The following HNF4G variants were observed in gnomAD, a reference collection of about 807,000 sequenced individuals.
HNF4G encodes the protein hepatocyte nuclear factor 4-gamma.
A neutral mutation model predicts 50.9 loss-of-function variants in HNF4G; 21 were observed. The ratio of observed to expected loss-of-function variants is 0.41; its 90% confidence interval spans 0.29 to 0.59. The LOEUF is 0.59. HNF4G is among the 20% of genes least tolerant of loss of function. The probability of loss-of-function intolerance (pLI) is 0.26; values close to 1 mark genes in which losing one functional copy is unlikely to be tolerated. For synonymous variants in HNF4G, 198 were observed against 185.6 expected (o/e 1.07, Z -0.54); for missense variants, 527 against 559.4 (o/e 0.94, Z 0.58).
At chr8:75,508,739 G>C (rs759215330) in intron 2 of HNF4G, among the ~76,000 whole-genome samples, 2 of 152,176 alleles carry the variant, frequency 1.3e-5, no homozygotes, top group Non-Finnish European at 2.9e-5. Context: ...AGAGGCAAGA[G>C]AAAACATGAG....
chr8:75,448,855 A>G lies in HNF4G; in HGVS notation c.-144+40693A>G, dbSNP rs922475736. On this transcript the variant is annotated intron_variant, in intron 1 of 10. Transcript: ENST00000354370. ...ATAGGACTATATCAGAATTATACAAATCAAGCAACCTGTTGACATTATTTT... is the reference window on the plus strand; with the variant it reads ...ATAGGACTATATCAGAATTATACAAGTCAAGCAACCTGTTGACATTATTTT... Among the ~76,000 whole-genome samples the G allele has an allele frequency of 4.6e-5, 7 of 152,330 alleles. No homozygotes were observed. In the East Asian group the frequency reaches 1.2e-3, roughly 25 times the overall value.
intron 2 of HNF4G, among the ~76,000 whole-genome samples, chr8:75,534,043 T>C (rs1806397636): frequency 6.6e-6 from 1 of 151,918 alleles, no homozygotes; most frequent in African/African-American, 2.4e-5. Flanking sequence ...TTAAACATTA[T>C]ACCTCTTCAG....
intron 3 of HNF4G, among the ~76,000 whole-genome samples, chr8:75,549,927 A>G (rs1326427425): frequency 1.3e-5 from 2 of 152,116 alleles, no homozygotes; most frequent in African/African-American, 4.8e-5. Context: ...TGTCCCTACA[A>G]AGGACATGAA....
upstream of HNF4G, among the ~76,000 whole-genome samples, chr8:75,536,460 A>C (rs1452063040): frequency 2.0e-5 from 3 of 151,960 alleles, no homozygotes; most frequent in Non-Finnish European, 4.4e-5. Flanking sequence ...TTTATTTTTA[A>C]CTACTTAAGT....
chr8:75,460,088 AAT>A (rs1185436615), intron 1 of HNF4G, among the ~76,000 whole-genome samples: 1 of 152,076 alleles, frequency 6.6e-6, no homozygotes, highest in African/African-American at 2.4e-5. Flanking sequence ...GAAAAAAAAA[AAT>A]CTCTTTGCAG....
chr8:75,484,208 A>G (rs1331975698), intron 1 of HNF4G, among the ~76,000 whole-genome samples: 1 of 152,230 alleles, frequency 6.6e-6, no homozygotes, highest in Non-Finnish European at 1.5e-5. Context: ...TTAGAAATGA[A>G]TCACATGACT....
At chr8:75,502,348 A>G (rs1004756563) in intron 2 of HNF4G, among the ~76,000 whole-genome samples, 2 of 152,232 alleles carry the variant, frequency 1.3e-5, no homozygotes, top group South Asian at 2.1e-4. Context: ...AGTAAAACAT[A>G]GAGATAACAA....
chr8:75,516,776 G>A (rs1805899360), intron 2 of HNF4G, among the ~76,000 whole-genome samples: 1 of 152,078 alleles, frequency 6.6e-6, no homozygotes, highest in Admixed American at 6.6e-5. Flanking sequence ...ATGTCTTCTT[G>A]AAGAATTGAC....
chr8:75,534,722 T>A (rs1806415173), intron 2 of HNF4G, among the ~76,000 whole-genome samples: 1 of 151,914 alleles, frequency 6.6e-6, no homozygotes, highest in South Asian at 2.1e-4. Flanking sequence ...TAGATTTTAC[T>A]GTCAAATGGC....
rs191154601 is a variant in HNF4G, at chr8:75,470,367, A to G, written c.-143-19722A>G. Among the ~76,000 whole-genome samples, 466 of 152,342 alleles carry G rather than the reference A, an allele frequency of 3.1e-3. 1 individual carries two copies. Among genetic ancestry groups the G allele is most frequent in the African/African-American group, 0.01 (427 of 41,592 alleles). On this transcript the variant is annotated intron_variant, in intron 1 of 10. Transcript: ENST00000354370. ...AGAATACAGTTAACATTTTGGTACT[A>G]TATTTTTATGGCAGGATTACCTCAT...
At chr8:75,557,651 A>C (rs879593698) in intron 6 of HNF4G, among the ~76,000 whole-genome samples, 2 of 151,964 alleles carry the variant, frequency 1.3e-5, no homozygotes, top group African/African-American at 4.8e-5. Context: ...ATCACATTGT[A>C]CACCTTAAAT....
chr8:75,438,107 C>T (rs555583079), intron 1 of HNF4G, among the ~76,000 whole-genome samples: 3 of 152,212 alleles, frequency 2.0e-5, no homozygotes, highest in African/African-American at 7.2e-5. Flanking sequence ...AAATTGTTCC[C>T]ATATTTTGTT....
Position 75,528,799 on chromosome 8 carries a change from T to G in HNF4G, c.-23-15012T>G, listed in dbSNP as rs1343094161. ...ACTTCTACTTTTTTCATGTTTTTCTTATGTATTAGTCTGTTCTCACGCTGC... is the reference window on the plus strand; with the variant it reads ...ACTTCTACTTTTTTCATGTTTTTCTGATGTATTAGTCTGTTCTCACGCTGC... On this transcript the variant is annotated intron_variant, in intron 2 of 10. Coordinates refer to the HNF4G transcript ENST00000354370. Among the ~76,000 whole-genome samples the G allele has an allele frequency of 2.6e-5, 4 of 152,178 alleles. No individual in the cohort carries two copies. The East Asian group carries it at 7.7e-4, about 29-fold the overall frequency.
At chr8:75,458,498 T>A (rs1361770269) in intron 1 of HNF4G, among the ~76,000 whole-genome samples, 1 of 151,974 alleles carries the variant, frequency 6.6e-6, no homozygotes, top group African/African-American at 2.4e-5. Context: ...GGGGTCAAAT[T>A]TTCATAATAT....
At chr8:75,432,192 T>G (rs1359866020) in intron 1 of HNF4G, among the ~76,000 whole-genome samples, 1 of 151,668 alleles carries the variant, frequency 6.6e-6, no homozygotes, top group East Asian at 1.9e-4. Context: ...GTTGAGGCTA[T>G]AGGTTAAACC....
At chr8:75,549,451 T>A (rs1806881281) in intron 3 of HNF4G, among the ~76,000 whole-genome samples, 1 of 151,912 alleles carries the variant, frequency 6.6e-6, no homozygotes, top group Non-Finnish European at 1.5e-5. Flanking sequence ...TAAAAATCAA[T>A]AACAATTTCT....
intron 1 of HNF4G, among the ~76,000 whole-genome samples, chr8:75,429,476 A>G (rs1380585133): frequency 6.6e-6 from 1 of 151,934 alleles, no homozygotes; most frequent in Admixed American, 6.6e-5. Context: ...TACTTCTACC[A>G]TAGGAATCTC....
rs1013806376 is a variant in HNF4G at position 75,460,991 on chromosome 8, A to G, written c.-143-29098A>G. On this transcript the variant is annotated intron_variant, in intron 1 of 10. Coordinates refer to the HNF4G transcript ENST00000354370. ...GTTACTGTAGATTAATGATTACCACACTTGTTCAAATATATTTAGGATTCC... is the reference window on the plus strand; with the variant it reads ...GTTACTGTAGATTAATGATTACCACGCTTGTTCAAATATATTTAGGATTCC... 2.1e-4 allele frequency among the ~76,000 whole-genome samples: 32 copies of G among 152,302 alleles called. 1 individual carries two copies. Among genetic ancestry groups the G allele is most frequent in the African/African-American group, 7.5e-4 (31 of 41,586 alleles).
intron 1 of HNF4G, among the ~76,000 whole-genome samples, chr8:75,464,486 C>G (rs953430447): frequency 2.6e-5 from 4 of 151,722 alleles, no homozygotes; most frequent in African/African-American, 9.7e-5. Flanking sequence ...AGATTTTTTC[C>G]CCTTGGAAAT....
Sources: allele counts gnomAD v4.1 joint callset (sites outside exome capture counted in the v4.1 genomes callset), GRCh38; gene constraint gnomAD v4.1.1; transcripts MANE v1.5; gene names NCBI Gene and HGNC (gene_info 2026-07-23, HGNC 2026-07-21).